PPP2R5D: variants seen among roughly 807,000 people sequenced by gnomAD.
PPP2R5D encodes the protein serine/threonine-protein phosphatase 2A 56 kDa regulatory subunit delta isoform.
A neutral mutation model predicts 79.1 loss-of-function variants in PPP2R5D; 12 were observed. The observed-to-expected ratio is 0.15, with a 90% CI of 0.10 to 0.25. The LOEUF (loss-of-function observed/expected upper bound fraction) is 0.25, where lower values mean the gene tolerates loss of function less well. Ranked by LOEUF, PPP2R5D falls within the 10% of genes least tolerant of loss-of-function variation. PPP2R5D has a pLI of 1.00. For synonymous variants in PPP2R5D, 277 were observed against 286.6 expected (o/e 0.97, Z 0.34); for missense variants, 419 against 760.2 (o/e 0.55, Z 5.28).
In PPP2R5D at chr6:43,009,017, T is replaced by G; in HGVS notation, c.1081-40T>G. 6.2e-7 allele frequency: 1 copy of G among 1,600,372 alleles called. No individual in the cohort carries two copies. The highest frequency in any genetic ancestry group is 8.5e-7 in the Non-Finnish European group (1 of 1,171,766). ...AAAACTTCCTGGTGACCTAGGCAGG[T>G]GCAAAGAATTTTCATCCCCATGCCC... On this transcript the variant is annotated intron_variant, in intron 10 of 15. Coordinates refer to ENST00000485511, the MANE Select transcript of PPP2R5D (RefSeq NM_006245.4). This position sits in a 1 kb window ranked among gnomAD's most constrained non-coding sequence, Gnocchi z 5.6.
chr6:42,991,423 T>C (rs1426496502), intron 2 of PPP2R5D, among the ~76,000 whole-genome samples: 1 of 152,206 alleles, frequency 6.6e-6, no homozygotes, highest in African/African-American at 2.4e-5. Flanking sequence ...AAAGCAGCCT[T>C]CTTTGACCAC....
At chr6:43,001,858 G>T (rs920694808) in intron 2 of PPP2R5D, among the ~76,000 whole-genome samples, 14 of 149,776 alleles carry the variant, frequency 9.3e-5, no homozygotes, top group Admixed American at 6.7e-4. Flanking sequence ...CTGCACTCCA[G>T]CCGGGTGACA....
intron 2 of PPP2R5D, among the ~76,000 whole-genome samples, chr6:42,990,657 G>A (rs1195975372): frequency 6.8e-6 from 1 of 147,786 alleles, no homozygotes; most frequent in Non-Finnish European, 1.5e-5. Flanking sequence ...GAGGACCACA[G>A]AAGAGGAATT....
intron 2 of PPP2R5D, among the ~76,000 whole-genome samples, chr6:42,998,032 T>C (rs1191159471): frequency 9.3e-5 from 2 of 21,402 alleles, no homozygotes; most frequent in South Asian, 2.3e-3. Context: ...TATATATATA[T>C]ATATATATAT....
chr6:43,008,835 C>T lies in PPP2R5D; in HGVS notation c.1080+89C>T. 6.9e-7 allele frequency: 1 copy of T among 1,445,484 alleles called. No homozygotes were observed. Among genetic ancestry groups the T allele is most frequent in the East Asian group, 2.4e-5 (1 of 42,098 alleles). The allele number at this position is 1,445,484 out of a possible 1,614,324, so 89.5% of individuals were successfully genotyped here. A position where few individuals can be genotyped will look rare whatever the true frequency, so the allele number is the denominator to read the frequency against. ...CTACTGGGGGTGCCATAAGGGGGAACTCAGGAGGGCTGTGACCTGACCGGT... is the reference window on the plus strand; with the variant it reads ...CTACTGGGGGTGCCATAAGGGGGAATTCAGGAGGGCTGTGACCTGACCGGT... On this transcript the variant is annotated intron_variant, in intron 10 of 15. Coordinates refer to ENST00000485511, the MANE Select transcript of PPP2R5D (RefSeq NM_006245.4). The surrounding 1 kb of genome is among the most constrained non-coding windows in gnomAD (Gnocchi z 4.2).
Position 43,010,630 on chromosome 6 carries a change from C to A in PPP2R5D, c.1482-34C>A, listed in dbSNP as rs1039168778. The A allele has an allele frequency of 4.3e-6, 7 of 1,613,602 alleles. No homozygotes were observed. In the Admixed American group the frequency reaches 1.2e-4, roughly 27 times the overall value. ...TACCACCAGCTCACTGTGTTTCTCT[C>A]AAGCCCAACCCCAATCCTACTTTTG... On this transcript the variant is annotated intron_variant, in intron 13 of 15. Coordinates refer to ENST00000485511, the MANE Select transcript of PPP2R5D (RefSeq NM_006245.4). The surrounding 1 kb of genome is among the most constrained non-coding windows in gnomAD (Gnocchi z 4.7).
At chr6:42,984,838 T>G (rs1219618751) in intron 1 of PPP2R5D, 134 bp downstream of exon 1, 1 of 1,353,100 alleles carries the variant, frequency 7.4e-7, no homozygotes, top group Admixed American at 3.0e-5. Flanking sequence ...GGGCCAGCCC[T>G]CCGCCCCCGC....
intron 2 of PPP2R5D, among the ~76,000 whole-genome samples, chr6:42,998,231 C>T (rs1167022525): frequency 2.0e-5 from 3 of 149,242 alleles, no homozygotes; most frequent in Non-Finnish European, 4.5e-5. Context: ...CGTGCCACCA[C>T]GCCCAGCTAA....
rs781052890 is a variant in PPP2R5D at position 43,008,306 on chromosome 6, G to T, written c.917+46G>T. On this transcript the variant is annotated intron_variant, in intron 8 of 15. Transcript: ENST00000485511. The surrounding 1 kb of genome is among the most constrained non-coding windows in gnomAD (Gnocchi z 4.2). The stretch of plus-strand genomic sequence containing the variant: ...ACAGATGCCTGAAAAAGGTTGGCAG[G>T]ATTGGTGTACTGAACTTGGATCTGA... 3.1e-6 allele frequency: 5 copies of T among 1,613,836 alleles called. No homozygotes were observed. Among genetic ancestry groups the T allele is most frequent in the Non-Finnish European group, 4.2e-6 (5 of 1,179,720 alleles).
Position 43,007,970 on chromosome 6 carries a change from G to A in PPP2R5D, c.762G>A (p.Glu254=), listed in dbSNP as rs773006366. ...TATTTGACAGTGAGGATCCTCGAGA[G>A]CGGGACTTCCTCAAGACCATTTTGC... ...LDLFDSEDPR[E]RDFLKTILHR... is the part of the protein sequence containing the mutation. Residue 254 remains glutamate, a synonymous_variant, in exon 7 of 16, where the codon GAG becomes GAA. Transcript: ENST00000485511. The surrounding 1 kb of genome is among the most constrained non-coding windows in gnomAD (Gnocchi z 4.5). 6.2e-7 allele frequency: 1 copy of A among 1,614,186 alleles called. No homozygotes were observed. Among genetic ancestry groups the A allele is most frequent in the East Asian group, 2.2e-5 (1 of 44,886 alleles).
intron 2 of PPP2R5D, among the ~76,000 whole-genome samples, chr6:42,993,241 G>A (rs979351639): frequency 2.4e-4 from 36 of 151,578 alleles, no homozygotes; most frequent in African/African-American, 8.7e-4. Flanking sequence ...AGGATGCAGT[G>A]AGCCGATATT....
chr6:42,995,556 T>G (rs576665669), intron 2 of PPP2R5D, among the ~76,000 whole-genome samples: 1 of 138,496 alleles, frequency 7.2e-6, no homozygotes, highest in African/African-American at 3.2e-5. Flanking sequence ...TCATGTTTAT[T>G]CTTTTTTTTT....
At chr6:42,989,393 T>C (rs1771088178) in intron 1 of PPP2R5D, among the ~76,000 whole-genome samples, 1 of 152,186 alleles carries the variant, frequency 6.6e-6, no homozygotes, top group Admixed American at 6.5e-5. Context: ...AATTAGTGTG[T>C]GTTTGGGGTG....
In PPP2R5D at chr6:43,012,242, T is replaced by C. The variant is rs1386689285; in HGVS notation, c.*956T>C. ...GCAGTGCGGCTTTTGGCTGTGTACA[T>C]AGGGTGCTTTATTCTCCACAGAGTG... On this transcript the variant is annotated 3_prime_UTR_variant, in exon 16 of 16. Coordinates refer to ENST00000485511, the MANE Select transcript of PPP2R5D (RefSeq NM_006245.4). 4 of 1,264,406 alleles carry C rather than the reference T, an allele frequency of 3.2e-6. No homozygotes were observed. The highest frequency in any genetic ancestry group is 4.0e-6 in the Non-Finnish European group (4 of 1,003,248). 78.3% of individuals were successfully genotyped at this position (1,264,406 alleles called of 1,614,324 possible).
intron 2 of PPP2R5D, among the ~76,000 whole-genome samples, chr6:43,000,214 G>A (rs1296701935): frequency 1.0e-4 from 15 of 145,798 alleles, no homozygotes; most frequent in African/African-American, 4.0e-4. Flanking sequence ...GATTACAGGC[G>A]TGAGCCACCA....
Position 43,007,407 on chromosome 6 carries a change from C to G in PPP2R5D, c.634-7C>G. 5.6e-6 allele frequency: 9 copies of G among 1,611,576 alleles called. No homozygotes were observed. Among genetic ancestry groups the G allele is most frequent in the Non-Finnish European group, 7.6e-6 (9 of 1,177,642 alleles). On this transcript the variant is annotated splice_polypyrimidine_tract_variant and splice_region_variant and intron_variant, in intron 5 of 15. Transcript: ENST00000485511. The surrounding 1 kb of genome is among the most constrained non-coding windows in gnomAD (Gnocchi z 4.5). Reference sequence around the variant, plus strand: ...ATCCCCTCAGTGGCGTGCCTTTTCCCCTATAGCTCGTGTATGAGTTCTTCT... The same window carrying G: ...ATCCCCTCAGTGGCGTGCCTTTTCCGCTATAGCTCGTGTATGAGTTCTTCT...
chr6:43,000,857 A>C (rs1772135406), intron 2 of PPP2R5D, among the ~76,000 whole-genome samples: 2 of 152,220 alleles, frequency 1.3e-5, no homozygotes, highest in African/African-American at 4.8e-5. Flanking sequence ...TCAACCAACC[A>C]ACCAAACCTT....
chr6:43,012,171 G>A lies in PPP2R5D; in HGVS notation c.*885G>A. ...TCTTGTCCCTTATAGGTACCTTGGAGGGGCCAGGGGCTGAGGAAGGCCGGA... is the reference window on the plus strand; with the variant it reads ...TCTTGTCCCTTATAGGTACCTTGGAAGGGCCAGGGGCTGAGGAAGGCCGGA... On this transcript the variant is annotated 3_prime_UTR_variant, in exon 16 of 16. Coordinates refer to ENST00000485511, the MANE Select transcript of PPP2R5D (RefSeq NM_006245.4). 3.6e-6 allele frequency: 4 copies of A among 1,100,808 alleles called. No individual in the cohort carries two copies. The highest frequency in any genetic ancestry group is 4.4e-6 in the Non-Finnish European group (4 of 903,462). 68.2% of individuals were successfully genotyped at this position (1,100,808 alleles called of 1,614,324 possible).
Position 43,006,679 on chromosome 6 carries a change from G to C in PPP2R5D, c.322G>C (p.Asp108His). 6.2e-7 allele frequency: 1 copy of C among 1,612,986 alleles called. No homozygotes were observed. The highest frequency in any genetic ancestry group is 8.5e-7 in the Non-Finnish European group (1 of 1,179,208). Residue 108 changes from aspartate (D) to histidine (H), a missense_variant and splice_region_variant, in exon 3 of 16, where the codon GAT becomes CAT. Coordinates refer to ENST00000485511, the MANE Select transcript of PPP2R5D (RefSeq NM_006245.4). The surrounding 1 kb of genome is among the most constrained non-coding windows in gnomAD (Gnocchi z 4.7). ...GCTGCAGAAGCTTCCTGCCCTGAAA[G>C]GTACTTGGCAATTGGTCACAGGGGC... Reference protein sequence around the residue: ...RELQKLPALKDSPTQEREELF... With the variant: ...RELQKLPALKHSPTQEREELF...
Sources: gnomAD v4.1 joint callset for allele counts (sites outside exome capture counted in the v4.1 genomes callset) on GRCh38, gnomAD v4.1.1 for gene constraint, Gnocchi (gnomAD v3.1) non-coding constraint, MANE v1.5 for transcripts, NCBI Gene and HGNC (gene_info 2026-07-23, HGNC 2026-07-21) for gene names.